TSPAN7: variants seen among roughly 807,000 people sequenced by gnomAD.
The protein encoded by TSPAN7 is tetraspanin 7, also known as tetraspanin-7.
A neutral mutation model predicts 17.6 loss-of-function variants in TSPAN7; 1 was observed. That is an observed-to-expected ratio of 0.06 (90% CI 0.02 to 0.27). TSPAN7 has a LOEUF of 0.27. TSPAN7 is among the 10% of genes least tolerant of loss of function. The pLI is 1.00. For synonymous variants in TSPAN7, 78 were observed against 79.0 expected (o/e 0.99, Z 0.07); for missense variants, 112 against 201.7 (o/e 0.56, Z 2.69).
chrX:38,647,804 C>G (rs2069653027), intron 1 of TSPAN7, among the ~76,000 whole-genome samples: 1 of 112,111 alleles, frequency 8.9e-6, no homozygotes, highest in South Asian at 3.7e-4. Context: ...GTTCCGGCAG[C>G]TTGTCAACTC....
At chrX:38,630,422 C>A in intron 1 of TSPAN7, among the ~76,000 whole-genome samples, 1 of 111,250 alleles carries the variant, frequency 9.0e-6, no homozygotes, top group Middle Eastern at 4.6e-3. Flanking sequence ...TTGTTTCTAC[C>A]TCTTATAGTA....
chrX:38,622,139 G>C (rs1479195987), intron 1 of TSPAN7, among the ~76,000 whole-genome samples: 2 of 112,313 alleles, frequency 1.8e-5, no homozygotes, highest in East Asian at 5.6e-4. Context: ...ATTGGTTATT[G>C]GTCCTGAAGT....
At chrX:38,669,775 G>A (rs1042152013) in intron 2 of TSPAN7, among the ~76,000 whole-genome samples, 1 of 112,330 alleles carries the variant, frequency 8.9e-6, no homozygotes, top group Admixed American at 9.5e-5. Context: ...TCCTTTCTAA[G>A]AGGTAGTTCA....
At chrX:38,585,196 T>A (rs927971422) in intron 1 of TSPAN7, among the ~76,000 whole-genome samples, 6 of 112,187 alleles carry the variant, frequency 5.3e-5, no homozygotes, top group Admixed American at 9.4e-5. Context: ...AAGATATAGA[T>A]GCATCTTTAA....
At chrX:38,620,635 A>G (rs1484666324) in intron 1 of TSPAN7, among the ~76,000 whole-genome samples, 3 of 111,683 alleles carry the variant, frequency 2.7e-5, no homozygotes, top group Non-Finnish European at 5.6e-5. Flanking sequence ...CCTGACTACA[A>G]GGTGTGGACA....
chrX:38,609,513 A>C (rs189792646), intron 1 of TSPAN7, among the ~76,000 whole-genome samples: 2 of 110,451 alleles, frequency 1.8e-5, no homozygotes, highest in Non-Finnish European at 3.8e-5. Context: ...TTAGGACTGC[A>C]TTCAGTTTTG....
intron 1 of TSPAN7, among the ~76,000 whole-genome samples, chrX:38,600,091 T>C (rs1436826382): frequency 8.9e-6 from 1 of 111,970 alleles, no homozygotes; most frequent in Non-Finnish European, 1.9e-5. Context: ...GACAAAATTC[T>C]ATCTGAGAAG....
At chrX:38,584,483 T>C (rs748668069) in intron 1 of TSPAN7, among the ~76,000 whole-genome samples, 4 of 111,656 alleles carry the variant, frequency 3.6e-5, no homozygotes, top group Non-Finnish European at 7.5e-5. Context: ...ATATCTAAAC[T>C]TGAAAATTTC....
At chrX:38,568,822 T>C (rs763220204) in intron 1 of TSPAN7, among the ~76,000 whole-genome samples, 3 of 111,340 alleles carry the variant, frequency 2.7e-5, no homozygotes, top group South Asian at 7.6e-4. Context: ...TCTACCTCTT[T>C]TTCTTCTTGT....
intron 1 of TSPAN7, among the ~76,000 whole-genome samples, chrX:38,611,322 G>C (rs1258460237): frequency 8.9e-6 from 1 of 112,347 alleles, no homozygotes. Flanking sequence ...CATTTCTGCT[G>C]CTTCATCTGA....
chrX:38,610,615 T>G (rs2069412800), intron 1 of TSPAN7, among the ~76,000 whole-genome samples: 1 of 111,105 alleles, frequency 9.0e-6, no homozygotes, highest in African/African-American at 3.3e-5. Context: ...GTGATTCCAG[T>G]GTGCAGCCAT....
chrX:38,629,202 C>T (rs963886332), intron 1 of TSPAN7, among the ~76,000 whole-genome samples: 22 of 112,516 alleles, frequency 2.0e-4, no homozygotes, highest in Admixed American at 1.3e-3. Flanking sequence ...GCACTAGCCA[C>T]GTTTCGAGTG....
intron 1 of TSPAN7, among the ~76,000 whole-genome samples, chrX:38,626,386 G>T (rs2069522942): frequency 8.9e-6 from 1 of 112,021 alleles, no homozygotes; most frequent in Admixed American, 9.5e-5. Flanking sequence ...AATATAAAAA[G>T]ATTGGTACTT....
chrX:38,636,606 C>T (rs1416626830), intron 1 of TSPAN7, among the ~76,000 whole-genome samples: 1 of 111,681 alleles, frequency 9.0e-6, no homozygotes, highest in Non-Finnish European at 1.9e-5. Flanking sequence ...GGCAGGCCCA[C>T]AGAGGCCAAG....
chrX:38,580,355 T>C (rs1469360725), intron 1 of TSPAN7, among the ~76,000 whole-genome samples: 2 of 112,319 alleles, frequency 1.8e-5, no homozygotes. Context: ...TTTGTCCCCG[T>C]TTTCCATACT....
chrX:38,665,677 T>A (rs1223358290), intron 1 of TSPAN7, among the ~76,000 whole-genome samples: 1 of 112,116 alleles, frequency 8.9e-6, no homozygotes, highest in African/African-American at 3.2e-5. Context: ...AGGGAATCAC[T>A]GTGTTCCTGA....
intron 1 of TSPAN7, among the ~76,000 whole-genome samples, chrX:38,628,386 C>T (rs1358985196): frequency 9.1e-6 from 1 of 110,334 alleles, no homozygotes; most frequent in Non-Finnish European, 1.9e-5. Flanking sequence ...GGAACACTTA[C>T]GGTGGCAATT....
intron 1 of TSPAN7, among the ~76,000 whole-genome samples, chrX:38,650,742 T>C (rs2069671538): frequency 9.0e-6 from 1 of 111,697 alleles, no homozygotes; most frequent in South Asian, 3.7e-4. Context: ...GGTCTTTGAG[T>C]TGAGGGACCT....
chrX:38,587,884 A>G (rs1363828506), intron 1 of TSPAN7, among the ~76,000 whole-genome samples: 2 of 112,012 alleles, frequency 1.8e-5, no homozygotes, highest in East Asian at 5.6e-4. Flanking sequence ...CAGAATATAT[A>G]CTTCTTTCCT....
Sources: gnomAD v4.1 joint callset for allele counts (sites outside exome capture counted in the v4.1 genomes callset) on GRCh38, gnomAD v4.1.1 for gene constraint, MANE v1.5 for transcripts, NCBI Gene and HGNC (gene_info 2026-07-23, HGNC 2026-07-21) for gene names.